NDST3: variants seen among roughly 807,000 people sequenced by gnomAD.
NDST3 encodes bifunctional heparan sulfate N-deacetylase/N-sulfotransferase 3.
A neutral mutation model predicts 96.1 loss-of-function variants in NDST3; 58 were observed. The observed-to-expected ratio is 0.60, with a 90% CI of 0.49 to 0.75. The LOEUF (loss-of-function observed/expected upper bound fraction) is 0.75. NDST3 is among the 30% of genes least tolerant of loss of function. The pLI is 0.00. For missense variants in NDST3, 788 were observed against 1,034.2 expected (o/e 0.76, Z 3.27); for synonymous variants, 333 against 359.7 (o/e 0.93, Z 0.84).
At chr4:118,067,297 T>A (rs184535903) in intron 2 of NDST3, among the ~76,000 whole-genome samples, 80 of 152,166 alleles carry the variant, frequency 5.3e-4, no homozygotes, top group African/African-American at 1.8e-3. Context: ...TAAGTTAGGT[T>A]AATATTCAAA....
intron 6 of NDST3, among the ~76,000 whole-genome samples, chr4:118,156,864 C>A (rs1345511494): frequency 6.6e-6 from 1 of 152,170 alleles, no homozygotes; most frequent in Non-Finnish European, 1.5e-5. Context: ...AATGGTACAA[C>A]CCTAATGGAA....
At chr4:118,169,587 A>C (rs1224396380) in intron 6 of NDST3, among the ~76,000 whole-genome samples, 1 of 152,110 alleles carries the variant, frequency 6.6e-6, no homozygotes. Flanking sequence ...TGAGGTCAGG[A>C]GTTTGAAACT....
intron 2 of NDST3, among the ~76,000 whole-genome samples, chr4:118,056,071 T>C (rs1291620878): frequency 1.3e-5 from 2 of 151,948 alleles, no homozygotes; most frequent in African/African-American, 2.4e-5. Context: ...TTTGAAAATA[T>C]AGCTAAATTA....
At chr4:118,096,712 CAGTT>C (rs1413822561) in intron 2 of NDST3, among the ~76,000 whole-genome samples, 508 of 137,028 alleles carry the variant, frequency 3.7e-3, no homozygotes, top group African/African-American at 0.013. Flanking sequence ...GATAGATAGA[CAGTT>C]AGGCAGATGT....
rs1271301204 is a variant in NDST3, at chr4:118,134,939, T to C, written c.1225-3115T>C. ...TTTAAGGTAGACTTTTTGCCACAGA[T>C]TAAAAAATAATATGTGCTTAATCTC... On this transcript the variant is annotated intron_variant, in intron 4 of 13. Transcript: ENST00000296499. 7.2e-5 allele frequency among the ~76,000 whole-genome samples: 11 copies of C among 152,106 alleles called. No individual in the cohort carries two copies. The East Asian group carries it at 2.1e-3, about 29-fold the overall frequency.
intron 6 of NDST3, among the ~76,000 whole-genome samples, chr4:118,208,892 A>G (rs1738610857): frequency 6.9e-6 from 1 of 144,638 alleles, no homozygotes; most frequent in South Asian, 2.3e-4. Flanking sequence ...TTTAAATCAC[A>G]AAATAAATAT....
chr4:118,183,664 A>C (rs1736743006), intron 6 of NDST3, among the ~76,000 whole-genome samples: 1 of 152,158 alleles, frequency 6.6e-6, no homozygotes, highest in Non-Finnish European at 1.5e-5. Context: ...TGAATGACCA[A>C]AGGTTTTTTA....
chr4:118,193,463 ATC>A, intron 6 of NDST3: 1 of 748,824 alleles, frequency 1.3e-6, no homozygotes. Context: ...CTGCTCCTCC[ATC>A]TCTGTGTCAG....
At position 118,109,916 on chromosome 4, in the gene NDST3, T is replaced by G. The variant is rs181595481; in HGVS notation, c.1069+4811T>G. Among the ~76,000 whole-genome samples, 526 of 152,332 alleles carry G rather than the reference T, an allele frequency of 3.5e-3. 16 individuals carry two copies. Among genetic ancestry groups the G allele is most frequent in the Admixed American group, 0.032 (496 of 15,296 alleles). ...TTTTAATTTTTGAAGGGTATGTGCA[T>G]TTATGTGAGAAATAAAGGGGTAAAA... On this transcript the variant is annotated intron_variant, in intron 3 of 13. Coordinates refer to ENST00000296499, the MANE Select transcript of NDST3 (RefSeq NM_004784.3).
intron 6 of NDST3, among the ~76,000 whole-genome samples, chr4:118,169,144 AAAAG>A (rs140705873): frequency 0.035 from 5,378 of 152,278 alleles, 137 homozygotes; most frequent in African/African-American, 0.072. Flanking sequence ...TAAAAAGAAA[AAAAG>A]AAAGAACTTT....
chr4:118,247,807 C>G (rs1440048329), intron 12 of NDST3, among the ~76,000 whole-genome samples: 1 of 152,116 alleles, frequency 6.6e-6, no homozygotes, highest in African/African-American at 2.4e-5. Flanking sequence ...TTCCTTAAAT[C>G]ATAAACGTGT....
At chr4:118,240,451 G>C (rs1740934074) in intron 10 of NDST3, 73 bp from the exon 11 acceptor site, 1 of 1,293,640 alleles carries the variant, frequency 7.7e-7, no homozygotes, top group Non-Finnish European at 1.0e-6. Flanking sequence ...TTTGAGACTT[G>C]TCACAAAGAT....
At chr4:118,116,974 T>C (rs1267026353) in intron 4 of NDST3, among the ~76,000 whole-genome samples, 1 of 152,210 alleles carries the variant, frequency 6.6e-6, no homozygotes, top group Admixed American at 6.5e-5. Flanking sequence ...AAAAGAATAA[T>C]TCAAAAACAA....
intron 2 of NDST3, among the ~76,000 whole-genome samples, chr4:118,066,082 A>ATTATATATTATATATTATATAATATATT: frequency 1.3e-5 from 1 of 78,940 alleles, no homozygotes; most frequent in African/African-American, 4.5e-5. Flanking sequence ...TATATAACAT[A>ATTATATATTATATATTATATAATATATT]TTATATATTA....
At chr4:118,170,751 T>G (rs937309749) in intron 6 of NDST3, among the ~76,000 whole-genome samples, 1 of 151,754 alleles carries the variant, frequency 6.6e-6, no homozygotes, top group Non-Finnish European at 1.5e-5. Flanking sequence ...AAAGAAAAAA[T>G]AAGTGTGGTG....
chr4:118,091,690 G>C (rs896366782), intron 2 of NDST3, among the ~76,000 whole-genome samples: 6 of 151,508 alleles, frequency 4.0e-5, no homozygotes, highest in Non-Finnish European at 8.9e-5. Flanking sequence ...GGAACTCCTG[G>C]GATCTCTACC....
chr4:118,147,757 T>A (rs1351129634), intron 6 of NDST3, among the ~76,000 whole-genome samples: 1 of 152,162 alleles, frequency 6.6e-6, no homozygotes. Context: ...GGTTTGTACT[T>A]CTTGTGGGAG....
chr4:118,177,059 C>A (rs1736325029), intron 6 of NDST3, among the ~76,000 whole-genome samples: 1 of 151,874 alleles, frequency 6.6e-6, no homozygotes, highest in Non-Finnish European at 1.5e-5. Flanking sequence ...CAGTAATAAG[C>A]AAATCAGGTG....
intron 2 of NDST3, among the ~76,000 whole-genome samples, chr4:118,083,092 C>T (rs1052098937): frequency 3.9e-5 from 6 of 152,050 alleles, no homozygotes; most frequent in African/African-American, 7.2e-5. Flanking sequence ...GAGATTTGGG[C>T]GGGGACACAA....
Sources: gnomAD v4.1 joint callset for allele counts (sites outside exome capture counted in the v4.1 genomes callset) on GRCh38, gnomAD v4.1.1 for gene constraint, MANE v1.5 for transcripts, NCBI Gene and HGNC (gene_info 2026-07-23, HGNC 2026-07-21) for gene names.